AIG1: variants seen among roughly 807,000 people sequenced by gnomAD.
AIG1 encodes the protein androgen-induced gene 1 protein.
In AIG1, 23 loss-of-function variants were observed where a neutral mutation model predicts 31.4. The observed-to-expected ratio is 0.73, with a 90% CI of 0.53 to 1.04. AIG1 has a LOEUF of 1.04. Ranked by LOEUF, AIG1 falls within the 50% of genes least tolerant of loss-of-function variation. The pLI is 0.00. For missense variants in AIG1, 274 were observed against 295.0 expected, an observed-to-expected ratio of 0.93 and a Z score of 0.52; for synonymous variants, 100 against 110.5, an observed-to-expected ratio of 0.90 and a Z score of 0.60.
intron 3 of AIG1, among the ~76,000 whole-genome samples, chr6:143,273,787 G>T (rs1796705718): frequency 1.3e-5 from 2 of 152,068 alleles, no homozygotes; most frequent in Admixed American, 6.6e-5. Context: ...GGGGGAAACT[G>T]CCCCCATGAT....
chr6:143,195,774 G>A (rs1446086681), intron 3 of AIG1, among the ~76,000 whole-genome samples: 1 of 150,970 alleles, frequency 6.6e-6, no homozygotes, highest in Non-Finnish European at 1.5e-5. Flanking sequence ...GCACACGGAG[G>A]TCTGACCAGA....
At chr6:143,101,225 A>G (rs528807624) in intron 1 of AIG1, among the ~76,000 whole-genome samples, 5 of 152,122 alleles carry the variant, frequency 3.3e-5, no homozygotes, top group Non-Finnish European at 5.9e-5. Flanking sequence ...GGTGGCGCAT[A>G]TAGTAGCATC....
chr6:143,081,660 C>T (rs918944660), intron 1 of AIG1, among the ~76,000 whole-genome samples: 3 of 151,914 alleles, frequency 2.0e-5, no homozygotes, highest in African/African-American at 7.3e-5. Flanking sequence ...AATGATTTGG[C>T]CATCTGATGG....
intron 1 of AIG1, among the ~76,000 whole-genome samples, chr6:143,080,202 T>G (rs912561391): frequency 1.2e-4 from 18 of 151,584 alleles, no homozygotes; most frequent in Non-Finnish European, 2.9e-5. Context: ...TGCTTCATGC[T>G]GAATTGGGGC....
chr6:143,222,799 T>C (rs1010745079), intron 3 of AIG1, among the ~76,000 whole-genome samples: 2 of 152,168 alleles, frequency 1.3e-5, no homozygotes, highest in East Asian at 1.9e-4. Context: ...AAGTGGTTGG[T>C]ATTTCGGCTG....
intron 3 of AIG1, among the ~76,000 whole-genome samples, chr6:143,255,174 G>A (rs184569819): frequency 2.6e-5 from 4 of 152,332 alleles, no homozygotes; most frequent in African/African-American, 4.8e-5. Flanking sequence ...GTATGGAACA[G>A]CAGGGGCCTG....
At chr6:143,089,538 A>G (rs990044738) in intron 1 of AIG1, among the ~76,000 whole-genome samples, 1 of 152,182 alleles carries the variant, frequency 6.6e-6, no homozygotes, top group East Asian at 1.9e-4. Context: ...TATTTTTCTT[A>G]GTCCATTTGT....
chr6:143,080,708 C>T (rs1173040006), intron 1 of AIG1, among the ~76,000 whole-genome samples: 1 of 152,012 alleles, frequency 6.6e-6, no homozygotes, highest in East Asian at 1.9e-4. Context: ...AGAGCAGGCG[C>T]AGATCCTCTA....
intron 3 of AIG1, among the ~76,000 whole-genome samples, chr6:143,204,431 A>G (rs72990431): frequency 0.046 from 7,017 of 152,188 alleles, 212 homozygotes; most frequent in Middle Eastern, 0.092. Context: ...GCAGTACTCC[A>G]GGAGGTGAAT....
At chr6:143,232,391 G>A (rs1313768032) in intron 3 of AIG1, among the ~76,000 whole-genome samples, 4 of 152,128 alleles carry the variant, frequency 2.6e-5, no homozygotes, top group African/African-American at 9.7e-5. Flanking sequence ...CATGAAGTGC[G>A]GTTCTTAGTC....
At chr6:143,072,489 T>C (rs1428134588) in intron 1 of AIG1, among the ~76,000 whole-genome samples, 1 of 152,160 alleles carries the variant, frequency 6.6e-6, no homozygotes, top group Admixed American at 6.5e-5. Context: ...AGAGCAGATA[T>C]CCTTAGAAGG....
At chr6:143,091,231 A>G (rs953987057) in intron 1 of AIG1, among the ~76,000 whole-genome samples, 1 of 152,188 alleles carries the variant, frequency 6.6e-6, no homozygotes, top group Non-Finnish European at 1.5e-5. Flanking sequence ...GAACTCCTCA[A>G]AATCATCCAT....
intron 1 of AIG1, among the ~76,000 whole-genome samples, chr6:143,068,656 A>G (rs1385921710): frequency 6.6e-6 from 1 of 152,238 alleles, no homozygotes; most frequent in Non-Finnish European, 1.5e-5. Flanking sequence ...AATACAGGAA[A>G]CAATAGAAAT....
intron 1 of AIG1, among the ~76,000 whole-genome samples, chr6:143,078,095 A>G (rs1003935084): frequency 1.3e-5 from 2 of 152,070 alleles, no homozygotes; most frequent in African/African-American, 2.4e-5. Context: ...TTTAATTTCT[A>G]TTGATCAATC....
intron 3 of AIG1, among the ~76,000 whole-genome samples, chr6:143,274,768 T>C (rs960363505): frequency 3.3e-5 from 5 of 151,572 alleles, no homozygotes; most frequent in African/African-American, 1.2e-4. Context: ...GAATCAAATG[T>C]TGGCTACACC....
At chr6:143,199,486 A>G (rs1358161341) in intron 3 of AIG1, among the ~76,000 whole-genome samples, 1 of 152,200 alleles carries the variant, frequency 6.6e-6, no homozygotes, top group East Asian at 1.9e-4. Context: ...GAAATATTCC[A>G]TAATAAAAAG....
intron 3 of AIG1, among the ~76,000 whole-genome samples, chr6:143,214,188 A>G (rs1341244355): frequency 6.6e-6 from 1 of 152,218 alleles, no homozygotes; most frequent in Admixed American, 6.5e-5. Context: ...GTTACTGCCA[A>G]AACATGCAGA....
chr6:143,096,783 GA>G (rs1779837717), intron 1 of AIG1, among the ~76,000 whole-genome samples: 1 of 152,146 alleles, frequency 6.6e-6, no homozygotes, highest in African/African-American at 2.4e-5. Flanking sequence ...TTAAAAGAAG[GA>G]ATATCTTTCA....
At position 143,327,463 on chromosome 6, in the gene AIG1, G is replaced by C; in HGVS notation, c.516-5819G>C. The C allele has an allele frequency of 2.5e-6, 1 of 399,452 alleles. No homozygotes were observed. The highest frequency in any genetic ancestry group is 4.9e-6 in the Non-Finnish European group (1 of 206,022). The allele number at this position is 399,452 out of a possible 1,614,324, so 24.7% of individuals were successfully genotyped here. ...CGAAGGAGATGGGAACTCCAGATTT[G>C]CGCATTGATACCAGGCCCAACAAAA... is the stretch of plus-strand genomic sequence containing the variant. On this transcript the variant is annotated intron_variant, in intron 4 of 5. Transcript: ENST00000357847. The surrounding 1 kb of genome is among the most constrained non-coding windows in gnomAD (Gnocchi z 5.3).
Sources: gnomAD v4.1 joint callset for allele counts (sites outside exome capture counted in the v4.1 genomes callset) on GRCh38, gnomAD v4.1.1 for gene constraint, Gnocchi (gnomAD v3.1) non-coding constraint, MANE v1.5 for transcripts, NCBI Gene and HGNC (gene_info 2026-07-23, HGNC 2026-07-21) for gene names.